Variants in PDGFD observed in about 807,000 individuals in gnomAD.
PDGFD encodes platelet-derived growth factor D.
PDGFD carries 30 observed loss-of-function variants against 44.7 expected under a neutral mutation model. The observed-to-expected ratio is 0.67, with a 90% confidence interval of 0.50 to 0.91. The LOEUF (loss-of-function observed/expected upper bound fraction) is 0.91. Among genes scored for constraint, PDGFD ranks in the 40% least tolerant of loss-of-function variants. PDGFD has a pLI of 0.00. For synonymous variants in PDGFD, 173 were observed against 168.4 expected, an observed-to-expected ratio of 1.03 and a Z score of -0.21; for missense variants, 445 against 457.8, an observed-to-expected ratio of 0.97 and a Z score of 0.25.
chr11:103,984,302 T>G (rs1413260424), intron 3 of PDGFD, among the ~76,000 whole-genome samples: 1 of 151,610 alleles, frequency 6.6e-6, no homozygotes, highest in Admixed American at 6.6e-5. Flanking sequence ...AGCAAACTAA[T>G]GCAGGATCAG....
At chr11:104,064,295 G>T (rs1245953679) in intron 1 of PDGFD, among the ~76,000 whole-genome samples, 2 of 152,184 alleles carry the variant, frequency 1.3e-5, no homozygotes, top group African/African-American at 4.8e-5. Flanking sequence ...CATCGACTGG[G>T]CTTACAAGGA....
intron 6 of PDGFD, among the ~76,000 whole-genome samples, chr11:103,924,914 T>C (rs562622021): frequency 2.6e-4 from 40 of 152,254 alleles, no homozygotes; most frequent in Admixed American, 2.3e-3. Context: ...GCTGCACCCT[T>C]TAACCCATCA....
chr11:104,009,912 A>C (rs533356695), intron 1 of PDGFD, among the ~76,000 whole-genome samples: 1 of 152,236 alleles, frequency 6.6e-6, no homozygotes, highest in South Asian at 2.1e-4. Flanking sequence ...TGGGACTATT[A>C]ATAGGACGGT....
At chr11:103,997,697 C>A (rs992066991) in intron 2 of PDGFD, among the ~76,000 whole-genome samples, 1 of 152,168 alleles carries the variant, frequency 6.6e-6, no homozygotes, top group African/African-American at 2.4e-5. Flanking sequence ...AATTCCATTT[C>A]ATTTTGTATA....
chr11:104,075,448 A>G (rs1406281685), intron 1 of PDGFD, among the ~76,000 whole-genome samples: 1 of 151,952 alleles, frequency 6.6e-6, no homozygotes, highest in Non-Finnish European at 1.5e-5. Flanking sequence ...TTGTTAGCTA[A>G]TAGAGACTGT....
At chr11:104,006,149 A>G (rs1859698510) in intron 1 of PDGFD, among the ~76,000 whole-genome samples, 1 of 152,164 alleles carries the variant, frequency 6.6e-6, no homozygotes. Flanking sequence ...ATGGTTTGCT[A>G]TATGTGGTCC....
At chr11:104,078,964 A>G (rs1009929590) in intron 1 of PDGFD, among the ~76,000 whole-genome samples, 1 of 152,224 alleles carries the variant, frequency 6.6e-6, no homozygotes, top group African/African-American at 2.4e-5. Flanking sequence ...TGGGTAGGTT[A>G]ACAAATGTAG....
At chr11:104,041,977 G>C (rs1860361131) in intron 1 of PDGFD, among the ~76,000 whole-genome samples, 1 of 152,164 alleles carries the variant, frequency 6.6e-6, no homozygotes, top group Non-Finnish European at 1.5e-5. Flanking sequence ...GCACTTAAGT[G>C]ATGAGAGTGA....
intron 1 of PDGFD, among the ~76,000 whole-genome samples, chr11:104,044,079 A>C (rs952495770): frequency 6.6e-6 from 1 of 152,226 alleles, no homozygotes; most frequent in African/African-American, 2.4e-5. Flanking sequence ...GATTGGATGA[A>C]GCATTTGTCA....
intron 1 of PDGFD, among the ~76,000 whole-genome samples, chr11:104,049,774 T>C (rs887709727): frequency 6.6e-6 from 1 of 152,074 alleles, no homozygotes; most frequent in Non-Finnish European, 1.5e-5. Flanking sequence ...CAAATCTGGC[T>C]GGGAGTTTAG....
At chr11:104,023,268 T>C (rs989663149) in intron 1 of PDGFD, among the ~76,000 whole-genome samples, 8 of 152,158 alleles carry the variant, frequency 5.3e-5, no homozygotes, top group Non-Finnish European at 8.8e-5. Context: ...ACTTACATCT[T>C]TCTGAACTAC....
At chr11:103,946,427 G>T (rs375476410) in intron 4 of PDGFD, 2 of 152,160 alleles carry the variant, frequency 1.3e-5, no homozygotes, top group African/African-American at 2.4e-5. Flanking sequence ...TAAAGGACCT[G>T]GGTTATTCTT....
At chr11:103,995,844 T>TCA (rs1315954364) in intron 3 of PDGFD, among the ~76,000 whole-genome samples, 1 of 152,192 alleles carries the variant, frequency 6.6e-6, no homozygotes, top group Non-Finnish European at 1.5e-5. Context: ...TGTACTATGA[T>TCA]CTCTTTCAAA....
intron 3 of PDGFD, among the ~76,000 whole-genome samples, chr11:103,955,714 G>C (rs1174888767): frequency 6.6e-6 from 1 of 152,136 alleles, no homozygotes; most frequent in Non-Finnish European, 1.5e-5. Flanking sequence ...ATTTGCCTGT[G>C]AAATTTAATA....
chr11:104,068,467 A>T (rs1860824831), intron 1 of PDGFD, among the ~76,000 whole-genome samples: 1 of 152,162 alleles, frequency 6.6e-6, no homozygotes, highest in African/African-American at 2.4e-5. Context: ...TCAAGATTTC[A>T]TTGTGTTCAG....
chr11:103,943,959 A>G (rs1033620102), intron 4 of PDGFD, among the ~76,000 whole-genome samples: 1 of 152,188 alleles, frequency 6.6e-6, no homozygotes, highest in Admixed American at 6.6e-5. Flanking sequence ...TAAGTTATCC[A>G]GTTTCTTGGT....
Position 104,163,910 on chromosome 11 carries a change from A to G in PDGFD, c.18T>C (p.Phe6=). The G allele has an allele frequency of 6.4e-6, 10 of 1,553,272 alleles. No homozygotes were observed. The highest frequency in any genetic ancestry group is 8.8e-6 in the Non-Finnish European group (10 of 1,136,706). The change falls in exon 1 of 7, where the codon TTT becomes TTC. Residue 6 remains phenylalanine, a synonymous_variant. Coordinates refer to ENST00000393158, the MANE Select transcript of PDGFD (RefSeq NM_025208.5). ...AGTTTGCGCAGATTAGAGTGTAGACAAAGATGAGCCGGTGCATTTGGGATC... is the reference window on the plus strand; with the variant it reads ...AGTTTGCGCAGATTAGAGTGTAGACGAAGATGAGCCGGTGCATTTGGGATC... The part of the protein sequence containing the change: MHRLI[F]VYTLICANFC...
At chr11:104,156,794 G>A (rs1862313774) in intron 1 of PDGFD, among the ~76,000 whole-genome samples, 1 of 152,204 alleles carries the variant, frequency 6.6e-6, no homozygotes, top group Non-Finnish European at 1.5e-5. Context: ...AGGCTCATCA[G>A]AAGAAACTAT....
chr11:103,931,186 A>G (rs190966740), intron 5 of PDGFD, among the ~76,000 whole-genome samples: 2 of 152,342 alleles, frequency 1.3e-5, no homozygotes, highest in African/African-American at 4.8e-5. Context: ...ATTAAAGTGA[A>G]ACATATTTAT....
Sources: allele counts gnomAD v4.1 joint callset (sites outside exome capture counted in the v4.1 genomes callset), GRCh38; gene constraint gnomAD v4.1.1; transcripts MANE v1.5; gene names NCBI Gene and HGNC (gene_info 2026-07-23, HGNC 2026-07-21).